CPB2: variants seen among roughly 807,000 people sequenced by gnomAD.
CPB2 encodes the protein carboxypeptidase B-like protein.
CPB2 carries 54 observed loss-of-function variants against 57.0 expected under a neutral mutation model. That is an observed-to-expected ratio of 0.95 (90% CI 0.76 to 1.19). CPB2 has a LOEUF of 1.19. Ranked by LOEUF, CPB2 falls within the 50% of genes most tolerant of loss-of-function variation. The pLI is 0.00. For synonymous variants in CPB2, 189 were observed against 178.1 expected (o/e 1.06, Z -0.49); for missense variants, 426 against 512.0 (o/e 0.83, Z 1.62).
intron 1 of CPB2, among the ~76,000 whole-genome samples, chr13:46,089,712 A>G (rs1458416441): frequency 6.6e-6 from 1 of 152,136 alleles, no homozygotes; most frequent in Non-Finnish European, 1.5e-5. Flanking sequence ...GTGACCTTAA[A>G]AAAGAGATCC....
At chr13:46,056,235 T>G (rs930604288) in intron 9 of CPB2, among the ~76,000 whole-genome samples, 1 of 152,184 alleles carries the variant, frequency 6.6e-6, no homozygotes, top group Non-Finnish European at 1.5e-5. Context: ...AAATCCAACC[T>G]TTCTAAACAC....
At chr13:46,085,426 C>T (rs17844031) in intron 2 of CPB2, among the ~76,000 whole-genome samples, 1 of 152,276 alleles carries the variant, frequency 6.6e-6, no homozygotes, top group Non-Finnish European at 1.5e-5. Context: ...TTTTCAGTGG[C>T]TGCCCTGGTG....
At chr13:46,057,532 A>G (rs1361996605) in intron 9 of CPB2, among the ~76,000 whole-genome samples, 1 of 152,210 alleles carries the variant, frequency 6.6e-6, no homozygotes, top group Non-Finnish European at 1.5e-5. Context: ...GTCGAAGCCT[A>G]GCTACAATCC....
chr13:46,070,980 C>T (rs4942472), intron 6 of CPB2, among the ~76,000 whole-genome samples: 67,595 of 151,990 alleles, frequency 0.44, 15,298 homozygotes, highest in East Asian at 0.56. Context: ...TACTTTAGAC[C>T]TGGTCTCTGC....
intron 1 of CPB2, among the ~76,000 whole-genome samples, chr13:46,090,880 A>T (rs1262066599): frequency 6.6e-6 from 1 of 150,754 alleles, no homozygotes; most frequent in Non-Finnish European, 1.5e-5. Flanking sequence ...GCACACCAAC[A>T]CACCTGGCTA....
intron 8 of CPB2, among the ~76,000 whole-genome samples, chr13:46,058,989 A>G (rs1002395645): frequency 6.6e-6 from 1 of 152,234 alleles, no homozygotes; most frequent in African/African-American, 2.4e-5. Context: ...CTAATTCACA[A>G]GGTGAAGCCC....
intron 8 of CPB2, among the ~76,000 whole-genome samples, chr13:46,064,127 G>A (rs1293684855): frequency 2.0e-5 from 3 of 151,930 alleles, no homozygotes; most frequent in Non-Finnish European, 4.4e-5. Context: ...CAGGCACGGT[G>A]GCATATGCCT....
At chr13:46,093,873 T>A (rs2045329407) in intron 1 of CPB2, among the ~76,000 whole-genome samples, 1 of 152,192 alleles carries the variant, frequency 6.6e-6, no homozygotes, top group Non-Finnish European at 1.5e-5. Flanking sequence ...GAGGTATAAC[T>A]ATGTGGAGAA....
rs1477877920 is a variant in CPB2 at position 46,053,600 on chromosome 13, TA to T, written c.*13del. On this transcript the variant is annotated 3_prime_UTR_variant, in exon 11 of 11. Coordinates refer to ENST00000181383, the MANE Select transcript of CPB2 (RefSeq NM_001872.5). ...AAATTAAAATACGGAAGCAGAATGA[TA>T]AAATCAGGGGCATTAAACATTCCTA... 1.2e-6 allele frequency: 2 copies of T among 1,602,302 alleles called. No individual in the cohort carries two copies. The highest frequency in any genetic ancestry group is 1.7e-6 in the Non-Finnish European group (2 of 1,171,396).
intron 5 of CPB2, among the ~76,000 whole-genome samples, chr13:46,075,718 A>G (rs1194430443): frequency 1.3e-5 from 2 of 152,222 alleles, no homozygotes; most frequent in Admixed American, 1.3e-4. Flanking sequence ...CTCACCTATC[A>G]CAATTTAGAT....
chr13:46,097,834 A>G (rs764050882), intron 1 of CPB2, among the ~76,000 whole-genome samples: 7 of 152,220 alleles, frequency 4.6e-5, no homozygotes, highest in Middle Eastern at 3.2e-3. Context: ...TCGGAGAATT[A>G]GTACTTTAAA....
chr13:46,101,793 G>C (rs1011756296), intron 1 of CPB2, among the ~76,000 whole-genome samples: 2 of 152,158 alleles, frequency 1.3e-5, no homozygotes, highest in African/African-American at 4.8e-5. Context: ...TCTGGGGCTC[G>C]AATCCAGATC....
intron 1 of CPB2, among the ~76,000 whole-genome samples, chr13:46,102,596 T>C (rs2045450429): frequency 7.8e-6 from 1 of 128,266 alleles, no homozygotes; most frequent in Non-Finnish European, 1.7e-5. Flanking sequence ...CTGTTAGTTT[T>C]TTTTTTTTTT....
At chr13:46,078,495 C>G (rs2045057759) in intron 5 of CPB2, among the ~76,000 whole-genome samples, 1 of 152,068 alleles carries the variant, frequency 6.6e-6, no homozygotes, top group East Asian at 1.9e-4. Flanking sequence ...CCCCTAGAGA[C>G]TGTATTTGGA....
At chr13:46,064,574 A>G in intron 8 of CPB2, 74 bp downstream of exon 8, 1 of 1,198,992 alleles carries the variant, frequency 8.3e-7, no homozygotes, top group Middle Eastern at 1.9e-4. Context: ...TTTAATTTGA[A>G]TTCATGGGCC....
At chr13:46,069,092 C>T (rs2044899154) in intron 6 of CPB2, among the ~76,000 whole-genome samples, 1 of 152,100 alleles carries the variant, frequency 6.6e-6, no homozygotes. Flanking sequence ...TTTAAATTTC[C>T]TTCCTACCTT....
intron 6 of CPB2, among the ~76,000 whole-genome samples, chr13:46,068,111 T>C (rs1406303774): frequency 6.6e-6 from 1 of 152,240 alleles, no homozygotes. Context: ...AGACAAATTT[T>C]AGCTGGTCAA....
intron 10 of CPB2, among the ~76,000 whole-genome samples, chr13:46,054,559 CT>C (rs933197293): frequency 2.0e-5 from 3 of 151,956 alleles, no homozygotes; most frequent in Non-Finnish European, 2.9e-5. Context: ...AATAATCTGA[CT>C]TTTTTTGGGG....
rs150556224 is a variant in CPB2 at position 46,104,456 on chromosome 13, A to G, written c.74+480T>C. On this transcript the variant is annotated intron_variant, in intron 1 of 10. Coordinates refer to ENST00000181383, the MANE Select transcript of CPB2 (RefSeq NM_001872.5). Reference sequence around the variant, plus strand: ...GAATCAGATAATAGTTCTTTATCACACAACTCTTCTTCCTTTCATATTCCA... The same window carrying G: ...GAATCAGATAATAGTTCTTTATCACGCAACTCTTCTTCCTTTCATATTCCA... 3.1e-3 allele frequency among the ~76,000 whole-genome samples: 467 copies of G among 152,328 alleles called. 1 individual carries two copies. Among genetic ancestry groups the G allele is most frequent in the Middle Eastern group, 0.014 (4 of 294 alleles).
Sources: gnomAD v4.1 joint callset for allele counts (sites outside exome capture counted in the v4.1 genomes callset) on GRCh38, gnomAD v4.1.1 for gene constraint, MANE v1.5 for transcripts, NCBI Gene and HGNC (gene_info 2026-07-23, HGNC 2026-07-21) for gene names.